The following CTNND2 variants were observed in gnomAD, a reference collection of about 807,000 sequenced individuals.
CTNND2 encodes the protein catenin delta-2.
Under a neutral mutation model 144.4 loss-of-function variants are expected in CTNND2, and 22 were observed. The observed-to-expected ratio is 0.15, with a 90% confidence interval of 0.11 to 0.22. CTNND2 has a LOEUF of 0.22. Among genes scored for constraint, CTNND2 ranks in the 10% least tolerant of loss-of-function variants. CTNND2 has a pLI of 1.00. For missense variants in CTNND2, 1,353 were observed against 1,618.8 expected (o/e 0.84, Z 2.82); for synonymous variants, 751 against 695.6 (o/e 1.08, Z -1.25).
At chr5:11,023,076 C>T (rs1268691045) in intron 16 of CTNND2, 97 bp from the exon 17 acceptor site, 3 of 1,075,992 alleles carry the variant, frequency 2.8e-6, no homozygotes, top group East Asian at 5.0e-5. Flanking sequence ...ATACGAGAGG[C>T]CACGTTTATG....
intron 1 of CTNND2, among the ~76,000 whole-genome samples, chr5:11,763,637 A>G (rs1195148945): frequency 1.3e-5 from 2 of 152,240 alleles, no homozygotes; most frequent in African/African-American, 4.8e-5. Context: ...GGCTTCCCTG[A>G]ATGCTACTTT....
chr5:11,326,727 G>T (rs1752570145), intron 9 of CTNND2, among the ~76,000 whole-genome samples: 1 of 152,108 alleles, frequency 6.6e-6, no homozygotes, highest in African/African-American at 2.4e-5. Flanking sequence ...GTAACAAATG[G>T]GAAGGCCTTT....
At chr5:11,747,506 G>A (rs2126778207) in intron 1 of CTNND2, among the ~76,000 whole-genome samples, 1 of 152,230 alleles carries the variant, frequency 6.6e-6, no homozygotes, top group East Asian at 1.9e-4. Flanking sequence ...CTCAGGTTCT[G>A]GAGTTCCTCT....
chr5:11,355,250 A>AT (rs1234756884), intron 8 of CTNND2, among the ~76,000 whole-genome samples: 1 of 152,088 alleles, frequency 6.6e-6, no homozygotes, highest in Non-Finnish European at 1.5e-5. Flanking sequence ...AGGTGTGTTT[A>AT]TTTTTTCAAA....
chr5:11,313,799 G>C (rs1751228035), intron 9 of CTNND2, among the ~76,000 whole-genome samples: 1 of 152,180 alleles, frequency 6.6e-6, no homozygotes, highest in East Asian at 1.9e-4. Context: ...TCCGCAGGCT[G>C]TACAGGAAGC....
At chr5:11,216,290 C>T (rs540977375) in intron 10 of CTNND2, among the ~76,000 whole-genome samples, 166 of 152,212 alleles carry the variant, frequency 1.1e-3, no homozygotes, top group Non-Finnish European at 1.8e-3. Flanking sequence ...TCATGTTACA[C>T]GGAAAAGAGG....
intron 10 of CTNND2, among the ~76,000 whole-genome samples, chr5:11,204,627 G>A (rs1737850264): frequency 6.6e-6 from 1 of 152,046 alleles, no homozygotes; most frequent in African/African-American, 2.4e-5. Context: ...ATTTGCCAAT[G>A]AATTAGCTAT....
At chr5:11,652,721 A>T (rs1366399) in intron 2 of CTNND2, among the ~76,000 whole-genome samples, 53,307 of 152,042 alleles carry the variant, frequency 0.35, 12,496 homozygotes, top group African/African-American at 0.67. Flanking sequence ...TCATGTATGA[A>T]GTTGTGTGTG....
At chr5:11,847,131 TATATATATATATATATA>T (rs1794777951) in intron 1 of CTNND2, among the ~76,000 whole-genome samples, 1 of 9,100 alleles carries the variant, frequency 1.1e-4, no homozygotes. Context: ...AAAGATTTTA[TATATATATATATATATA>T]TATATATATA....
chr5:11,785,017 T>A (rs1043759316), intron 1 of CTNND2, among the ~76,000 whole-genome samples: 2 of 152,234 alleles, frequency 1.3e-5, no homozygotes, highest in African/African-American at 4.8e-5. Context: ...ACCAGTTTTC[T>A]TCTATTGTTC....
At chr5:11,418,242 A>G (rs947890138) in intron 3 of CTNND2, among the ~76,000 whole-genome samples, 1 of 152,036 alleles carries the variant, frequency 6.6e-6, no homozygotes, top group Non-Finnish European at 1.5e-5. Flanking sequence ...CCCCATCTCT[A>G]CTAAAAATAC....
intron 12 of CTNND2, among the ~76,000 whole-genome samples, chr5:11,154,249 G>T (rs1023336232): frequency 6.6e-6 from 1 of 152,140 alleles, no homozygotes; most frequent in Admixed American, 6.5e-5. Flanking sequence ...GTTCAATGTC[G>T]GGAGGAAAAG....
intron 1 of CTNND2, among the ~76,000 whole-genome samples, chr5:11,798,588 GA>G (rs753273463): frequency 1.4e-4 from 22 of 152,314 alleles, no homozygotes; most frequent in Non-Finnish European, 2.2e-4. Context: ...TCAACATGGT[GA>G]AACCCTGTCT....
intron 16 of CTNND2, among the ~76,000 whole-genome samples, chr5:11,041,440 C>A (rs778838250): frequency 2.0e-5 from 3 of 152,142 alleles, no homozygotes; most frequent in African/African-American, 4.8e-5. Flanking sequence ...GCTTTGGTGA[C>A]CATAAGTCTC....
At chr5:11,801,876 A>G (rs979202668) in intron 1 of CTNND2, among the ~76,000 whole-genome samples, 1 of 152,230 alleles carries the variant, frequency 6.6e-6, no homozygotes, top group Non-Finnish European at 1.5e-5. Flanking sequence ...TGATCCTATA[A>G]TATTTGGAAT....
chr5:11,634,732 T>A (rs1561641714), intron 2 of CTNND2, among the ~76,000 whole-genome samples: 1 of 151,784 alleles, frequency 6.6e-6, no homozygotes, highest in Non-Finnish European at 1.5e-5. Flanking sequence ...AAGGGAAAGG[T>A]GGAAGAAAAT....
intron 2 of CTNND2, among the ~76,000 whole-genome samples, chr5:11,679,065 C>T (rs897121298): frequency 1.3e-5 from 2 of 152,056 alleles, no homozygotes; most frequent in African/African-American, 4.8e-5. Flanking sequence ...GCATCCCTTT[C>T]GTTCTCATGG....
chr5:11,304,317 A>C (rs1057203743), intron 9 of CTNND2, among the ~76,000 whole-genome samples: 5 of 142,950 alleles, frequency 3.5e-5, no homozygotes, highest in Non-Finnish European at 7.5e-5. Context: ...ACACGGACAC[A>C]CCACACACAC....
At chr5:11,488,674 T>C (rs536923846) in intron 3 of CTNND2, among the ~76,000 whole-genome samples, 61 of 152,320 alleles carry the variant, frequency 4.0e-4, no homozygotes, top group Non-Finnish European at 2.9e-4. Context: ...AGAGTTCAAC[T>C]ACCTAAAAAT....
Sources: allele counts gnomAD v4.1 joint callset (sites outside exome capture counted in the v4.1 genomes callset), GRCh38; gene constraint gnomAD v4.1.1; transcripts MANE v1.5; gene names NCBI Gene and HGNC (gene_info 2026-07-23, HGNC 2026-07-21).